ST6GALNAC3: variants seen among roughly 807,000 people sequenced by gnomAD.
The protein encoded by ST6GALNAC3 is alpha-N-acetylgalactosaminide alpha-2,6-sialyltransferase 3.
ST6GALNAC3 carries 25 observed loss-of-function variants against 32.7 expected under a neutral mutation model. The ratio of observed to expected loss-of-function variants is 0.76; its 90% CI spans 0.56 to 1.07. The LOEUF is 1.07. Ranked by LOEUF, ST6GALNAC3 falls within the 50% of genes least tolerant of loss-of-function variation. ST6GALNAC3 has a pLI of 0.00. For missense variants in ST6GALNAC3, 355 were observed against 382.4 expected (o/e 0.93, Z 0.60); for synonymous variants, 129 against 133.1 (o/e 0.97, Z 0.21).
chr1:76,553,187 TG>T (rs1223542350), intron 3 of ST6GALNAC3, among the ~76,000 whole-genome samples: 17 of 152,244 alleles, frequency 1.1e-4, no homozygotes, highest in African/African-American at 4.1e-4. Flanking sequence ...TTACATAAGT[TG>T]TTTTTAGATC....
At chr1:76,276,682 A>T (rs1335863) in intron 1 of ST6GALNAC3, among the ~76,000 whole-genome samples, 23,174 of 152,148 alleles carry the variant, frequency 0.15, 3,226 homozygotes, top group African/African-American at 0.36. Context: ...ACATACATAT[A>T]TAAGAATGGC....
At chr1:76,440,665 A>G (rs756172962) in intron 3 of ST6GALNAC3, among the ~76,000 whole-genome samples, 1 of 152,226 alleles carries the variant, frequency 6.6e-6, no homozygotes, top group Non-Finnish European at 1.5e-5. Context: ...GATTAATTTT[A>G]TGACTCACTA....
At chr1:76,318,643 C>T (rs1296668477) in intron 2 of ST6GALNAC3, among the ~76,000 whole-genome samples, 2 of 152,086 alleles carry the variant, frequency 1.3e-5, no homozygotes, top group Non-Finnish European at 2.9e-5. Flanking sequence ...GGAGATTCCA[C>T]CTATAGCATT....
intron 3 of ST6GALNAC3, among the ~76,000 whole-genome samples, chr1:76,518,926 G>A (rs114521296): frequency 0.01 from 1,592 of 152,100 alleles, 20 homozygotes; most frequent in Non-Finnish European, 0.013. Flanking sequence ...AATTAGCCAA[G>A]CATTGTGATG....
chr1:76,350,069 G>A lies in ST6GALNAC3; in HGVS notation c.213+36070G>A, dbSNP rs141264871. On this transcript the variant is annotated intron_variant, in intron 2 of 4. Coordinates refer to ENST00000328299, the MANE Select transcript of ST6GALNAC3 (RefSeq NM_152996.4). ...TTAGAAAAATTTGAAAATTGACTGT[G>A]TATTAGAAATTATTCACTCAAATGC... Among the ~76,000 whole-genome samples the A allele has an allele frequency of 3.1e-3, 466 of 152,010 alleles. 3 individuals carry two copies. Among genetic ancestry groups the A allele is most frequent in the African/African-American group, 0.01 (428 of 41,470 alleles).
chr1:76,288,411 C>T (rs1659899550), intron 1 of ST6GALNAC3, among the ~76,000 whole-genome samples: 1 of 152,174 alleles, frequency 6.6e-6, no homozygotes, highest in South Asian at 2.1e-4. Flanking sequence ...GACCAGTCTC[C>T]TCATCCCTGG....
chr1:76,202,118 G>T (rs536578699), intron 1 of ST6GALNAC3, among the ~76,000 whole-genome samples: 4 of 152,070 alleles, frequency 2.6e-5, no homozygotes, highest in Middle Eastern at 6.8e-3. Flanking sequence ...CAATCGGAAG[G>T]GTGGCACAGA....
chr1:76,217,500 G>A (rs1045736816), intron 1 of ST6GALNAC3, among the ~76,000 whole-genome samples: 2 of 152,102 alleles, frequency 1.3e-5, no homozygotes, highest in Non-Finnish European at 2.9e-5. Context: ...TTGTGACTTT[G>A]CAAACACAAC....
intron 1 of ST6GALNAC3, among the ~76,000 whole-genome samples, chr1:76,288,021 G>T (rs544878491): frequency 2.6e-5 from 4 of 152,270 alleles, no homozygotes; most frequent in South Asian, 4.1e-4. Flanking sequence ...ACAATTCACT[G>T]CCCAACTGAG....
chr1:76,503,203 A>G (rs1276102446), intron 3 of ST6GALNAC3, among the ~76,000 whole-genome samples: 2 of 152,206 alleles, frequency 1.3e-5, no homozygotes, highest in African/African-American at 4.8e-5. Context: ...AAGTCATCCA[A>G]TGGCAACACC....
At chr1:76,156,921 C>T (rs1207726099) in intron 1 of ST6GALNAC3, among the ~76,000 whole-genome samples, 3 of 152,188 alleles carry the variant, frequency 2.0e-5, no homozygotes, top group African/African-American at 4.8e-5. Flanking sequence ...TTAGTACAGA[C>T]GGGGTTTCAC....
intron 3 of ST6GALNAC3, among the ~76,000 whole-genome samples, chr1:76,515,371 A>G (rs1303737875): frequency 1.3e-5 from 2 of 152,108 alleles, no homozygotes; most frequent in Non-Finnish European, 2.9e-5. Flanking sequence ...CTTTAAAAAA[A>G]CCAACTCTTT....
At chr1:76,212,449 T>C (rs899338752) in intron 1 of ST6GALNAC3, among the ~76,000 whole-genome samples, 1 of 152,164 alleles carries the variant, frequency 6.6e-6, no homozygotes, top group Non-Finnish European at 1.5e-5. Flanking sequence ...AAGCCTTATT[T>C]TGGCAGCTTC....
At chr1:76,426,410 T>C (rs1241753365) in intron 3 of ST6GALNAC3, among the ~76,000 whole-genome samples, 1 of 151,820 alleles carries the variant, frequency 6.6e-6, no homozygotes, top group Non-Finnish European at 1.5e-5. Flanking sequence ...CCAATATCGC[T>C]GTCTTCCACC....
chr1:76,263,423 A>G (rs1003885316), intron 1 of ST6GALNAC3, among the ~76,000 whole-genome samples: 23 of 152,136 alleles, frequency 1.5e-4, no homozygotes, highest in African/African-American at 5.6e-4. Flanking sequence ...TAAAACCTCC[A>G]TATCAAGAGC....
At chr1:76,482,719 C>CTTTTAT (rs1659805701) in intron 3 of ST6GALNAC3, among the ~76,000 whole-genome samples, 1 of 151,972 alleles carries the variant, frequency 6.6e-6, no homozygotes, top group Admixed American at 6.6e-5. Context: ...ACTGCCTTTT[C>CTTTTAT]TTTTATTTTT....
intron 1 of ST6GALNAC3, among the ~76,000 whole-genome samples, chr1:76,101,885 G>A (rs1647239536): frequency 6.6e-6 from 1 of 152,072 alleles, no homozygotes; most frequent in African/African-American, 2.4e-5. Context: ...GTTGAGATGT[G>A]TTTGATTTCA....
chr1:76,529,236 C>T (rs933392366), intron 3 of ST6GALNAC3, among the ~76,000 whole-genome samples: 4 of 152,142 alleles, frequency 2.6e-5, no homozygotes, highest in African/African-American at 9.7e-5. Context: ...CTCTGTCATT[C>T]TTGGCTGCAC....
chr1:76,263,329 T>A (rs1658350100), intron 1 of ST6GALNAC3, among the ~76,000 whole-genome samples: 1 of 152,176 alleles, frequency 6.6e-6, no homozygotes, highest in Non-Finnish European at 1.5e-5. Flanking sequence ...CAATACCTAA[T>A]AAATATTATA....
Sources: allele counts gnomAD v4.1 joint callset (sites outside exome capture counted in the v4.1 genomes callset), GRCh38; gene constraint gnomAD v4.1.1; transcripts MANE v1.5; gene names NCBI Gene and HGNC (gene_info 2026-07-23, HGNC 2026-07-21).